The following FUT9 variants were observed in gnomAD, a reference collection of about 807,000 sequenced individuals.
FUT9 encodes fucosyltransferase 9.
In FUT9, 15 loss-of-function variants were observed where a neutral mutation model predicts 29.7. The ratio of observed to expected loss-of-function variants is 0.51; its 90% CI spans 0.34 to 0.78. FUT9 has a LOEUF of 0.78. Ranked by LOEUF, FUT9 falls within the 30% of genes least tolerant of loss-of-function variation. The pLI is 0.01. For synonymous variants in FUT9, 169 were observed against 153.7 expected (o/e 1.10, Z -0.74); for missense variants, 319 against 425.4 (o/e 0.75, Z 2.20).
At chr6:96,153,677 A>G (rs1380222528) in intron 2 of FUT9, among the ~76,000 whole-genome samples, 1 of 152,158 alleles carries the variant, frequency 6.6e-6, no homozygotes, top group Non-Finnish European at 1.5e-5. Context: ...AATTTGTTAA[A>G]TGAGACTATG....
At chr6:96,094,630 A>C (rs969717904) in intron 1 of FUT9, among the ~76,000 whole-genome samples, 1 of 152,136 alleles carries the variant, frequency 6.6e-6, no homozygotes, top group African/African-American at 2.4e-5. Context: ...TCTCTCATGG[A>C]TAAGTAGAAA....
intron 1 of FUT9, among the ~76,000 whole-genome samples, chr6:96,087,054 C>G (rs547045351): frequency 4.6e-4 from 70 of 152,198 alleles, no homozygotes; most frequent in East Asian, 3.9e-4. Context: ...GGGTGAAGAC[C>G]AGTTCTTAGC....
chr6:96,113,812 C>G (rs1317069769), intron 1 of FUT9, among the ~76,000 whole-genome samples: 2 of 149,424 alleles, frequency 1.3e-5, no homozygotes, highest in African/African-American at 4.9e-5. Flanking sequence ...CGAGATCATG[C>G]CACTGCACTC....
chr6:96,070,924 A>G (rs1771048739), intron 1 of FUT9, among the ~76,000 whole-genome samples: 3 of 152,178 alleles, frequency 2.0e-5, no homozygotes, highest in Non-Finnish European at 4.4e-5. Context: ...ATTGAAGCAT[A>G]TGTAAGTAGG....
In FUT9 at chr6:96,210,952, G is replaced by A. The variant is rs1222221139; in HGVS notation, c.*6717G>A. 2.4e-5 allele frequency: 4 copies of A among 166,796 alleles called. No homozygotes were observed. Among genetic ancestry groups the A allele is most frequent in the African/African-American group, 9.7e-5 (4 of 41,388 alleles). The allele number at this position is 166,796 out of a possible 1,614,324, so 10.3% of individuals were successfully genotyped here. The stretch of plus-strand genomic sequence containing the variant: ...TATTTCTGAGAAATTATATTCAGGT[G>A]ACTAGATATGTGTTCAAGTGTTATC... On this transcript the variant is annotated 3_prime_UTR_variant, in exon 3 of 3. Coordinates refer to ENST00000302103, the MANE Select transcript of FUT9 (RefSeq NM_006581.4).
chr6:96,054,581 G>T (rs1215395591), intron 1 of FUT9, among the ~76,000 whole-genome samples: 3 of 152,074 alleles, frequency 2.0e-5, no homozygotes, highest in African/African-American at 7.2e-5. Context: ...TAAAAACAAA[G>T]GATATAAAAC....
At chr6:96,111,225 T>C (rs973370013) in intron 1 of FUT9, among the ~76,000 whole-genome samples, 5 of 152,136 alleles carry the variant, frequency 3.3e-5, no homozygotes, top group African/African-American at 1.2e-4. Flanking sequence ...AATAATGCTT[T>C]AAATAACAGA....
At chr6:96,163,352 G>A (rs1046194039) in intron 2 of FUT9, among the ~76,000 whole-genome samples, 3 of 149,394 alleles carry the variant, frequency 2.0e-5, no homozygotes, top group Admixed American at 1.4e-4. Context: ...TATGGCCTGA[G>A]AAGGACTCCA....
intron 1 of FUT9, among the ~76,000 whole-genome samples, chr6:96,080,641 A>G (rs1327320079): frequency 1.3e-5 from 2 of 152,014 alleles, no homozygotes; most frequent in Non-Finnish European, 2.9e-5. Flanking sequence ...TTGAAAAATC[A>G]TGTCTTGACC....
intron 2 of FUT9, among the ~76,000 whole-genome samples, chr6:96,139,206 C>T (rs1014216204): frequency 2.0e-5 from 3 of 152,164 alleles, no homozygotes; most frequent in African/African-American, 7.2e-5. Context: ...GAAGGGCCTG[C>T]AGGCCCCATG....
chr6:96,199,511 C>T (rs543498334), intron 2 of FUT9, among the ~76,000 whole-genome samples: 15 of 152,118 alleles, frequency 9.9e-5, no homozygotes, highest in African/African-American at 3.4e-4. Context: ...GTAGAAGAAA[C>T]GTCGTTTCTG....
chr6:96,057,336 A>C (rs1256749100), intron 1 of FUT9, among the ~76,000 whole-genome samples: 1 of 152,192 alleles, frequency 6.6e-6, no homozygotes, highest in African/African-American at 2.4e-5. Context: ...TCTTTATTTT[A>C]TATCTAACAT....
chr6:96,100,029 T>C (rs1233513349), intron 1 of FUT9, among the ~76,000 whole-genome samples: 1 of 152,108 alleles, frequency 6.6e-6, no homozygotes, highest in East Asian at 1.9e-4. Context: ...TTCGATTTGT[T>C]TGTGATCCAG....
chr6:96,071,929 C>T (rs1771070630), intron 1 of FUT9, among the ~76,000 whole-genome samples: 1 of 152,120 alleles, frequency 6.6e-6, no homozygotes, highest in Non-Finnish European at 1.5e-5. Flanking sequence ...GCCACCACAC[C>T]CAGCCCAATA....
chr6:96,087,049 A>T (rs1307030048), intron 1 of FUT9, among the ~76,000 whole-genome samples: 2 of 152,164 alleles, frequency 1.3e-5, no homozygotes, highest in Non-Finnish European at 2.9e-5. Flanking sequence ...CATATGGGTG[A>T]AGACCAGTTC....
intron 2 of FUT9, among the ~76,000 whole-genome samples, chr6:96,142,869 T>C (rs965301599): frequency 6.6e-6 from 1 of 152,116 alleles, no homozygotes. Context: ...TAGTGGAGAA[T>C]ATACATAGGA....
At chr6:96,192,712 C>T (rs1361860340) in intron 2 of FUT9, among the ~76,000 whole-genome samples, 2 of 151,864 alleles carry the variant, frequency 1.3e-5, no homozygotes, top group African/African-American at 4.8e-5. Flanking sequence ...CTTTAAAGTT[C>T]ATATGGAACC....
intron 1 of FUT9, among the ~76,000 whole-genome samples, chr6:96,091,556 T>A (rs573161720): frequency 6.6e-6 from 1 of 152,234 alleles, no homozygotes; most frequent in South Asian, 2.1e-4. Flanking sequence ...GACAATGGTA[T>A]TGCAGTCAGG....
intron 1 of FUT9, among the ~76,000 whole-genome samples, chr6:96,078,667 G>T (rs934167938): frequency 1.3e-5 from 2 of 151,672 alleles, no homozygotes; most frequent in Admixed American, 1.3e-4. Context: ...TGATGAGCCC[G>T]ACTCGGCCTC....
Sources: gnomAD v4.1 joint callset for allele counts (sites outside exome capture counted in the v4.1 genomes callset) on GRCh38, gnomAD v4.1.1 for gene constraint, MANE v1.5 for transcripts, NCBI Gene and HGNC (gene_info 2026-07-23, HGNC 2026-07-21) for gene names.